Variants in THBS2 observed in about 807,000 individuals in gnomAD.
THBS2 encodes thrombospondin-2.
Under a neutral mutation model 135.2 loss-of-function variants are expected in THBS2, and 47 were observed. The ratio of observed to expected loss-of-function variants is 0.35; its 90% CI spans 0.28 to 0.44. THBS2 has a LOEUF of 0.44. Among genes scored for constraint, THBS2 ranks in the 20% least tolerant of loss-of-function variants. The pLI is 1.00. For synonymous variants in THBS2, 639 were observed against 633.8 expected, an observed-to-expected ratio of 1.01 and a Z score of -0.12; for missense variants, 1,288 against 1,603.1, an observed-to-expected ratio of 0.80 and a Z score of 3.36.
intron 19 of THBS2, among the ~76,000 whole-genome samples, 178 bp downstream of exon 19, chr6:169,222,019 T>C (rs1292879840): frequency 1.3e-5 from 2 of 152,250 alleles, no homozygotes; most frequent in Non-Finnish European, 2.9e-5. Flanking sequence ...ATCAACTGTG[T>C]TGAGTTGTAA....
At chr6:169,218,372 G>GATGA (rs1307401845) in intron 21 of THBS2, among the ~76,000 whole-genome samples, 1 of 146,350 alleles carries the variant, frequency 6.8e-6, no homozygotes, top group South Asian at 2.3e-4. Flanking sequence ...TGGATGGATG[G>GATGA]ATGAATGAGA....
chr6:169,231,825 G>T (rs970220285), intron 13 of THBS2, among the ~76,000 whole-genome samples, 155 bp downstream of exon 13: 1 of 152,220 alleles, frequency 6.6e-6, no homozygotes, highest in Non-Finnish European at 1.5e-5. Context: ...GGGACCAGGG[G>T]GATGCATTCA....
chr6:169,240,425 C>G, intron 6 of THBS2, 27 bp downstream of exon 6: 1 of 1,609,900 alleles, frequency 6.2e-7, no homozygotes, highest in Non-Finnish European at 8.5e-7. Context: ...GGCCTCTTCC[C>G]CCAAGAGCCG....
In THBS2 at chr6:169,234,789, G is replaced by A; in HGVS notation, c.1596C>T (p.Ala532=). ...GACGCTCCTGCACATCCCCCACGCA[G>A]GCCTTCCCTCCGTACTGAGGCTCAG... The part of the protein sequence containing the change: ...NSPEPQYGGK[A]CVGDVQERQM... The change falls in exon 10 of 22, where the codon GCC becomes GCT. Residue 532 remains alanine, a synonymous_variant. Coordinates refer to ENST00000617924, the MANE Select transcript of THBS2 (RefSeq NM_003247.5). The A allele has an allele frequency of 1.9e-6, 3 of 1,608,114 alleles. No homozygotes were observed. In the African/African-American group the frequency reaches 4.0e-5, roughly 21 times the overall value.
chr6:169,250,446 A>G (rs1481695065), intron 2 of THBS2, among the ~76,000 whole-genome samples: 2 of 152,238 alleles, frequency 1.3e-5, no homozygotes, highest in East Asian at 3.8e-4. Context: ...AAAGAATTCA[A>G]CAAACACCAA....
chr6:169,235,725 TCCATCCACACTCACTGC>T (rs1187765903), intron 9 of THBS2, among the ~76,000 whole-genome samples: 61 of 131,250 alleles, frequency 4.6e-4, no homozygotes, highest in African/African-American at 4.7e-4. Context: ...CTCACTCACT[TCCATCCACACTCACTGC>T]CCATCCACAC....
At chr6:169,228,045 C>A in intron 15 of THBS2, 77 bp downstream of exon 15, 1 of 1,502,384 alleles carries the variant, frequency 6.7e-7, no homozygotes, top group Non-Finnish European at 8.9e-7. Flanking sequence ...GGTGCTACTG[C>A]CCTGGGCAAC....
chr6:169,224,530 C>T (rs188231368), intron 17 of THBS2, among the ~76,000 whole-genome samples: 158 of 152,150 alleles, frequency 1.0e-3, no homozygotes, highest in African/African-American at 3.7e-3. Context: ...CAAAGAGAGC[C>T]TGTGTCAGCC....
In THBS2 at chr6:169,241,223, C is replaced by G. The variant is rs1780280188; in HGVS notation, c.891+539G>C. On this transcript the variant is annotated intron_variant, in intron 5 of 21. Transcript: ENST00000617924. The surrounding 1 kb of genome is among the most constrained non-coding windows in gnomAD (Gnocchi z 5.5). ...CCCGGAGCACCTCATTATGTTCAGT[C>G]CCTTTCTCTAAACTGCGAGCTGCCC... Among the ~76,000 whole-genome samples, 1 of 152,090 alleles carries G rather than the reference C, an allele frequency of 6.6e-6. No individual in the cohort carries two copies. The highest frequency in any genetic ancestry group is 2.4e-5 in the African/African-American group (1 of 41,400).
At chr6:169,248,231 G>T (rs1007389110) in intron 3 of THBS2, among the ~76,000 whole-genome samples, 186 bp downstream of exon 3, 2 of 151,982 alleles carry the variant, frequency 1.3e-5, no homozygotes, top group East Asian at 1.9e-4. Context: ...TGCGTGTGGT[G>T]GGCAGTGTGT....
intron 4 of THBS2, among the ~76,000 whole-genome samples, chr6:169,245,036 C>G (rs1263244568): frequency 6.6e-6 from 1 of 152,240 alleles, no homozygotes; most frequent in Non-Finnish European, 1.5e-5. Context: ...CCAAATCTCA[C>G]ATATTCCTGA....
chr6:169,230,705 G>A (rs79961396), intron 13 of THBS2, among the ~76,000 whole-genome samples: 1,681 of 152,164 alleles, frequency 0.011, 50 homozygotes, highest in East Asian at 0.1. Context: ...AAGAATAATC[G>A]GGATATCTTC....
At chr6:169,236,370 C>T (rs1387082049) in intron 9 of THBS2, among the ~76,000 whole-genome samples, 2 of 129,580 alleles carry the variant, frequency 1.5e-5, no homozygotes, top group East Asian at 5.4e-4. Flanking sequence ...CATCCACACT[C>T]ACTCCCATCC....
At chr6:169,226,412 T>TTAA (rs2114984260) in intron 15 of THBS2, 114 bp from the exon 16 acceptor site, 1 of 662,306 alleles carries the variant, frequency 1.5e-6, no homozygotes, top group East Asian at 2.7e-5. Flanking sequence ...ACACTTCTAT[T>TTAA]TAATTATAAT....
At chr6:169,227,031 C>T (rs1370968625) in intron 15 of THBS2, among the ~76,000 whole-genome samples, 1 of 152,160 alleles carries the variant, frequency 6.6e-6, no homozygotes, top group African/African-American at 2.4e-5. Context: ...AGCCGAGGAG[C>T]CCCCTGGCCA....
At chr6:169,229,468 CA>C in intron 14 of THBS2, 103 bp downstream of exon 14, 1 of 864,936 alleles carries the variant, frequency 1.2e-6, no homozygotes, top group Non-Finnish European at 1.9e-6. Flanking sequence ...GCTTGCAGGA[CA>C]ATGGCAGTTA....
rs1344851930 is a variant in THBS2, at chr6:169,235,804, TCACTCCATCCA to T, written c.1478-908_1478-898del. On this transcript the variant is annotated intron_variant, in intron 9 of 21. Transcript: ENST00000617924. ...ATTCACACTCCCTCCCCATCCACAC[TCACTCCATCCA>T]CACTCACTTCCATCCACACTTACTC... is the stretch of plus-strand genomic sequence containing the variant. Among the ~76,000 whole-genome samples the T allele has an allele frequency of 3.1e-4, 19 of 61,184 alleles. No homozygotes were observed. The South Asian group carries it at 0.011, about 35-fold the overall frequency. The allele number at this position is 61,184 out of a possible 152,430, so 40.1% of individuals were successfully genotyped here.
chr6:169,224,225 C>T (rs755358955), intron 17 of THBS2, among the ~76,000 whole-genome samples: 2 of 152,354 alleles, frequency 1.3e-5, no homozygotes, highest in Non-Finnish European at 2.9e-5. Context: ...CCAGCTACCA[C>T]GTGGCAGGCA....
intron 17 of THBS2, among the ~76,000 whole-genome samples, chr6:169,224,735 T>C (rs1215491938): frequency 6.6e-6 from 1 of 152,224 alleles, no homozygotes; most frequent in East Asian, 1.9e-4. Context: ...CTCTCATGCT[T>C]CACACTCGTG....
Sources: gnomAD v4.1 joint callset for allele counts (sites outside exome capture counted in the v4.1 genomes callset) on GRCh38, gnomAD v4.1.1 for gene constraint, Gnocchi (gnomAD v3.1) non-coding constraint, MANE v1.5 for transcripts, NCBI Gene and HGNC (gene_info 2026-07-23, HGNC 2026-07-21) for gene names.